PRKG1: variants seen among roughly 807,000 people sequenced by gnomAD.
The protein encoded by PRKG1 is cGMP-dependent protein kinase 1.
Under a neutral mutation model 88.1 loss-of-function variants are expected in PRKG1, and 35 were observed. That is an observed-to-expected ratio of 0.40 (90% confidence interval 0.30 to 0.53). The LOEUF (loss-of-function observed/expected upper bound fraction) is 0.53, where lower values mean the gene tolerates loss of function less well. Among genes scored for constraint, PRKG1 ranks in the 20% least tolerant of loss-of-function variants. The pLI, the probability that PRKG1 is intolerant of heterozygous loss-of-function variation, is 0.59. For missense variants in PRKG1, 540 were observed against 839.8 expected (o/e 0.64, Z 4.41); for synonymous variants, 303 against 292.5 (o/e 1.04, Z -0.37).
chr10:51,207,808 G>T (rs2132067138), intron 2 of PRKG1, among the ~76,000 whole-genome samples: 1 of 152,242 alleles, frequency 6.6e-6, no homozygotes, highest in Admixed American at 6.5e-5. Flanking sequence ...CTACTTGGTT[G>T]TTTTCAGTAC....
chr10:51,117,660 T>C (rs565925112), intron 1 of PRKG1, among the ~76,000 whole-genome samples: 1 of 152,208 alleles, frequency 6.6e-6, no homozygotes, highest in African/African-American at 2.4e-5. Context: ...ATTTCATAGA[T>C]AAAGGAGACA....
intron 4 of PRKG1, among the ~76,000 whole-genome samples, chr10:51,831,364 A>G (rs1490880885): frequency 6.9e-6 from 1 of 145,228 alleles, no homozygotes; most frequent in Admixed American, 6.6e-5. Context: ...AACCACTTCA[A>G]TGCTAACCCC....
At chr10:51,542,542 A>G (rs951728322) in intron 3 of PRKG1, among the ~76,000 whole-genome samples, 5 of 152,176 alleles carry the variant, frequency 3.3e-5, no homozygotes, top group Admixed American at 2.6e-4. Flanking sequence ...TAAAACAACA[A>G]TAATAATAAG....
At chr10:51,534,443 C>T (rs1009672225) in intron 3 of PRKG1, among the ~76,000 whole-genome samples, 5 of 151,806 alleles carry the variant, frequency 3.3e-5, no homozygotes, top group Admixed American at 1.3e-4. Flanking sequence ...CTGAGGCAGG[C>T]GGATCATGAG....
At chr10:51,566,473 A>T (rs1432838639) in intron 3 of PRKG1, among the ~76,000 whole-genome samples, 1 of 152,108 alleles carries the variant, frequency 6.6e-6, no homozygotes, top group East Asian at 1.9e-4. Context: ...CAGTGGGCAA[A>T]ATTTACAAAA....
At chr10:51,825,649 C>G (rs1416005349) in intron 4 of PRKG1, among the ~76,000 whole-genome samples, 2 of 152,090 alleles carry the variant, frequency 1.3e-5, no homozygotes, top group Non-Finnish European at 2.9e-5. Flanking sequence ...AATTCTAGCT[C>G]CCATATTTCC....
chr10:51,370,532 G>GTT (rs904261790), intron 2 of PRKG1, among the ~76,000 whole-genome samples: 3 of 151,282 alleles, frequency 2.0e-5, no homozygotes, highest in African/African-American at 7.3e-5. Context: ...GTGTGTGTGT[G>GTT]TAAGGAAAGT....
At chr10:51,339,272 T>G (rs1841950248) in intron 2 of PRKG1, among the ~76,000 whole-genome samples, 1 of 152,162 alleles carries the variant, frequency 6.6e-6, no homozygotes, top group African/African-American at 2.4e-5. Flanking sequence ...GAGTCATGGT[T>G]TTGGAAAATC....
intron 2 of PRKG1, among the ~76,000 whole-genome samples, chr10:51,395,188 C>T (rs1193950812): frequency 6.6e-6 from 1 of 152,180 alleles, no homozygotes; most frequent in Non-Finnish European, 1.5e-5. Context: ...GGCTACATGG[C>T]TTCTCACTGA....
intron 3 of PRKG1, among the ~76,000 whole-genome samples, chr10:51,578,701 T>C (rs1030462759): frequency 1.4e-4 from 22 of 152,282 alleles, no homozygotes; most frequent in South Asian, 2.1e-4. Flanking sequence ...ATAATAGCTT[T>C]GAAATGGGCT....
chr10:52,061,093 G>C (rs1203014871), intron 6 of PRKG1, among the ~76,000 whole-genome samples: 7 of 151,926 alleles, frequency 4.6e-5, no homozygotes, highest in Non-Finnish European at 7.4e-5. Flanking sequence ...ATCTATAAAA[G>C]CCTCTTCAGC....
chr10:51,241,265 A>G (rs1356640645), intron 2 of PRKG1, among the ~76,000 whole-genome samples: 2 of 151,894 alleles, frequency 1.3e-5, no homozygotes, highest in Non-Finnish European at 2.9e-5. Flanking sequence ...TCACGGCGTC[A>G]TGGCACAGGC....
intron 5 of PRKG1, among the ~76,000 whole-genome samples, chr10:51,946,915 G>A (rs888660851): frequency 6.6e-6 from 1 of 152,072 alleles, no homozygotes; most frequent in Non-Finnish European, 1.5e-5. Flanking sequence ...TCAGGGGTCA[G>A]GGACCCACCT....
chr10:51,793,852 C>A (rs781034179), intron 3 of PRKG1, among the ~76,000 whole-genome samples: 3 of 152,118 alleles, frequency 2.0e-5, no homozygotes, highest in Non-Finnish European at 4.4e-5. Context: ...ACCTCTGCCT[C>A]CTGGGTTCAA....
At chr10:51,062,408 G>A (rs1278867597) in intron 1 of PRKG1, among the ~76,000 whole-genome samples, 1 of 152,124 alleles carries the variant, frequency 6.6e-6, no homozygotes, top group Non-Finnish European at 1.5e-5. Context: ...GATATCTCTG[G>A]ACAGACTTCA....
intron 1 of PRKG1, among the ~76,000 whole-genome samples, chr10:51,087,287 TTGATGATGA>T (rs60114266): frequency 2.0e-5 from 3 of 151,470 alleles, no homozygotes; most frequent in Admixed American, 6.6e-5. Flanking sequence ...TGGTCAATTA[TTGATGATGA>T]TGATGATGAT....
chr10:51,971,220 T>C (rs1432963958), intron 5 of PRKG1, among the ~76,000 whole-genome samples: 10 of 152,016 alleles, frequency 6.6e-5, no homozygotes. Flanking sequence ...GGCAATACTC[T>C]ATTTCTTAAC....
At chr10:52,034,668 T>G (rs1319613392) in intron 5 of PRKG1, among the ~76,000 whole-genome samples, 1 of 151,300 alleles carries the variant, frequency 6.6e-6, no homozygotes, top group Non-Finnish European at 1.5e-5. Flanking sequence ...TCAGCTGTGA[T>G]GGCATGGAAA....
intron 3 of PRKG1, chr10:51,698,385 T>G: frequency 6.2e-7 from 1 of 1,614,078 alleles, no homozygotes; most frequent in East Asian, 2.2e-5. Context: ...ATTAGCAGTC[T>G]GGGATCTCCT....
Sources: allele counts gnomAD v4.1 joint callset (sites outside exome capture counted in the v4.1 genomes callset), GRCh38; gene constraint gnomAD v4.1.1; transcripts MANE v1.5; gene names NCBI Gene and HGNC (gene_info 2026-07-23, HGNC 2026-07-21).